Variants in GRAMD1B observed in about 807,000 individuals in gnomAD.
GRAMD1B encodes GRAM domain containing 1B, also known as protein Aster-B.
GRAMD1B carries 37 observed loss-of-function variants against 99.7 expected under a neutral mutation model. That is an observed-to-expected ratio of 0.37 (90% confidence interval 0.29 to 0.49). The LOEUF (loss-of-function observed/expected upper bound fraction) is 0.49. GRAMD1B is among the 20% of genes least tolerant of loss of function. GRAMD1B has a pLI of 0.98. For missense variants in GRAMD1B, 888 were observed against 1,009.2 expected (o/e 0.88, Z 1.63); for synonymous variants, 427 against 387.6 (o/e 1.10, Z -1.19).
rs1468638521 is a variant in GRAMD1B, at chr11:123,548,315, T to TACACACACACAC, written c.453-29051_453-29050insCACACACACACA. 5.6e-4 allele frequency among the ~76,000 whole-genome samples: 51 copies of TACACACACACAC among 91,108 alleles called. No homozygotes were observed. In the East Asian group the frequency reaches 6.9e-3, roughly 12 times the overall value. The allele number at this position is 91,108 out of a possible 152,430, so 59.8% of individuals were successfully genotyped here. ...AAATATATATATATATATATATATA[T>TACACACACACAC]ATATATATATACACACACACACACA... On this transcript the variant is annotated intron_variant, in intron 2 of 19. Coordinates refer to ENST00000635736, the MANE Select transcript of GRAMD1B (RefSeq NM_001387025.1).
At chr11:123,508,974 C>G (rs1365572591) in intron 2 of GRAMD1B, among the ~76,000 whole-genome samples, 1 of 152,156 alleles carries the variant, frequency 6.6e-6, no homozygotes, top group Non-Finnish European at 1.5e-5. Flanking sequence ...TGTGAGCCAC[C>G]GTGCCTGGCC....
chr11:123,476,181 A>G (rs1252611110), intron 1 of GRAMD1B, among the ~76,000 whole-genome samples: 2 of 151,650 alleles, frequency 1.3e-5, no homozygotes, highest in Non-Finnish European at 2.9e-5. Flanking sequence ...GCTCACTGCA[A>G]CCTCCACCTC....
At chr11:123,411,027 C>T (rs190427450) in intron 1 of GRAMD1B, among the ~76,000 whole-genome samples, 2,550 of 150,800 alleles carry the variant, frequency 0.017, 28 homozygotes, top group Non-Finnish European at 0.026. Context: ...TTTTTTAAGA[C>T]GGAGTCTTGC....
chr11:123,431,768 A>G lies in GRAMD1B; in HGVS notation c.374+602A>G, dbSNP rs368873133. On this transcript the variant is annotated intron_variant, in intron 1 of 19. Transcript: ENST00000635736. ...TCAGAGTCTTTAGACATCGATACCT[A>G]CAAGACTGTGGTTTGTACCAGCTAG... 3.3e-5 allele frequency among the ~76,000 whole-genome samples: 5 copies of G among 152,334 alleles called. No homozygotes were observed. The East Asian group carries it at 5.8e-4, about 18-fold the overall frequency.
At chr11:123,446,020 A>T (rs1949629003) in intron 1 of GRAMD1B, among the ~76,000 whole-genome samples, 1 of 152,066 alleles carries the variant, frequency 6.6e-6, no homozygotes, top group South Asian at 2.1e-4. Context: ...AAGAATACCT[A>T]GTGGATCTTT....
chr11:123,557,580 G>A (rs897375081), intron 2 of GRAMD1B, among the ~76,000 whole-genome samples: 1 of 152,202 alleles, frequency 6.6e-6, no homozygotes, highest in Admixed American at 6.5e-5. Flanking sequence ...TACATACTAT[G>A]TGTCAGATGC....
intron 1 of GRAMD1B, among the ~76,000 whole-genome samples, chr11:123,399,687 G>T (rs2135908059): frequency 6.6e-6 from 1 of 152,198 alleles, no homozygotes; most frequent in African/African-American, 2.4e-5. Flanking sequence ...TCGGCTCACT[G>T]CAACCTCCGT....
Position 123,606,017 on chromosome 11 carries a change from G to A in GRAMD1B, c.1323+539G>A, listed in dbSNP as rs75111500. Among the ~76,000 whole-genome samples, 1,239 of 151,958 alleles carry A rather than the reference G, an allele frequency of 8.2e-3. 6 individuals are homozygous for A. Among genetic ancestry groups the A allele is most frequent in the South Asian group, 0.028 (134 of 4,820 alleles). ...AACCTTGATGAGGAAAGAGGGTCAG[G>A]GCATGTGCTGGCAGGCAGAAGAACA... On this transcript the variant is annotated intron_variant, in intron 10 of 19. Coordinates refer to ENST00000635736, the MANE Select transcript of GRAMD1B (RefSeq NM_001387025.1).
chr11:123,465,247 G>A (rs1006528548), intron 1 of GRAMD1B, among the ~76,000 whole-genome samples: 5 of 152,082 alleles, frequency 3.3e-5, no homozygotes, highest in Admixed American at 1.3e-4. Flanking sequence ...AGCAAAGAGC[G>A]GTATGTATGT....
chr11:123,559,580 GCTGT>G lies in GRAMD1B; in HGVS notation c.453-17783_453-17780del, dbSNP rs527906287. The G allele has an allele frequency of 3.1e-5, 19 of 617,646 alleles. No individual in the cohort carries two copies. The South Asian group carries it at 1.1e-3, about 35-fold the overall frequency. 38.3% of individuals were successfully genotyped at this position (617,646 alleles called of 1,614,324 possible). On this transcript the variant is annotated intron_variant, in intron 2 of 19. Coordinates refer to ENST00000635736, the MANE Select transcript of GRAMD1B (RefSeq NM_001387025.1). ...GCACTGCCAGAACTTTCCTCTGGGG[GCTGT>G]CTGAGTACTAATACTGCATTTCGGT...
At chr11:123,457,926 A>G (rs1413382775) in intron 1 of GRAMD1B, among the ~76,000 whole-genome samples, 1 of 152,002 alleles carries the variant, frequency 6.6e-6, no homozygotes, top group Non-Finnish European at 1.5e-5. Context: ...ATGTTATCCA[A>G]GGTGGTCTTG....
intron 1 of GRAMD1B, among the ~76,000 whole-genome samples, chr11:123,401,421 T>A (rs1416762197): frequency 6.6e-6 from 1 of 152,254 alleles, no homozygotes; most frequent in Non-Finnish European, 1.5e-5. Flanking sequence ...CATGGGCTGT[T>A]GGCCCCGTGC....
Position 123,583,951 on chromosome 11 carries a change from A to G in GRAMD1B, c.664-361A>G, listed in dbSNP as rs552034083. 4.0e-4 allele frequency among the ~76,000 whole-genome samples: 61 copies of G among 152,192 alleles called. 1 individual carries two copies. The South Asian group carries it at 0.012, about 31-fold the overall frequency. On this transcript the variant is annotated intron_variant, in intron 3 of 19. Coordinates refer to ENST00000635736, the MANE Select transcript of GRAMD1B (RefSeq NM_001387025.1). ...GAAGGCTGGGTTGGCCGCCATCAGCATTTTGCTTCTGGTCAGGGCCCATTT... is the reference window on the plus strand; with the variant it reads ...GAAGGCTGGGTTGGCCGCCATCAGCGTTTTGCTTCTGGTCAGGGCCCATTT...
intron 17 of GRAMD1B, 99 bp from the exon 18 acceptor site, chr11:123,618,593 TG>T: frequency 1.2e-6 from 1 of 823,038 alleles, no homozygotes; most frequent in Non-Finnish European, 2.1e-6. Flanking sequence ...ATGCTTTGGA[TG>T]GCCCACCGGT....
At chr11:123,485,248 C>A (rs1951826939) in intron 2 of GRAMD1B, among the ~76,000 whole-genome samples, 1 of 152,102 alleles carries the variant, frequency 6.6e-6, no homozygotes, top group Non-Finnish European at 1.5e-5. Context: ...GCATTGATTT[C>A]TTCTATTTTA....
At chr11:123,584,907 G>A (rs781476506) in intron 4 of GRAMD1B, among the ~76,000 whole-genome samples, 6 of 152,182 alleles carry the variant, frequency 3.9e-5, no homozygotes, top group Admixed American at 6.5e-5. Flanking sequence ...CTGTGCAGCT[G>A]CTGCATACCT....
chr11:123,563,858 A>G (rs1224054612), intron 2 of GRAMD1B, among the ~76,000 whole-genome samples: 1 of 152,236 alleles, frequency 6.6e-6, no homozygotes, highest in African/African-American at 2.4e-5. Context: ...ATTTTAAATT[A>G]GACTAAAGCC....
rs1610779 is a variant in GRAMD1B at position 123,589,614 on chromosome 11, T to A, written c.685-4468T>A. 2.8e-3 allele frequency among the ~76,000 whole-genome samples: 358 copies of A among 127,986 alleles called. 3 individuals carry two copies. The highest frequency in any genetic ancestry group is 6.9e-3 in the African/African-American group (196 of 28,318). 84.0% of individuals were successfully genotyped at this position (127,986 alleles called of 152,430 possible). A position where few individuals can be genotyped will look rare whatever the true frequency, so the allele number is the denominator to read the frequency against. ...ACCTGCCACCATGTGTGGCTAATTT[T>A]TATATATATATATATATATATATTT... On this transcript the variant is annotated intron_variant, in intron 4 of 19. Coordinates refer to ENST00000635736, the MANE Select transcript of GRAMD1B (RefSeq NM_001387025.1).
intron 2 of GRAMD1B, among the ~76,000 whole-genome samples, chr11:123,495,843 C>T (rs1565299895): frequency 6.6e-6 from 1 of 152,008 alleles, no homozygotes; most frequent in South Asian, 2.1e-4. Context: ...CAAACAAAAA[C>T]AAATAAAAAC....
Sources: gnomAD v4.1 joint callset for allele counts (sites outside exome capture counted in the v4.1 genomes callset) on GRCh38, gnomAD v4.1.1 for gene constraint, MANE v1.5 for transcripts, NCBI Gene and HGNC (gene_info 2026-07-23, HGNC 2026-07-21) for gene names.